SYNE2: variants seen among roughly 807,000 people sequenced by gnomAD.
SYNE2 encodes spectrin repeat containing nuclear envelope protein 2, also known as nesprin-2.
SYNE2 carries 431 observed loss-of-function variants against 856.3 expected under a neutral mutation model. The ratio of observed to expected loss-of-function variants is 0.50; its 90% CI spans 0.47 to 0.55. SYNE2 has a LOEUF of 0.55. SYNE2 is among the 20% of genes least tolerant of loss of function. The pLI, the probability that SYNE2 is intolerant of heterozygous loss-of-function variation, is 0.00. For synonymous variants in SYNE2, 2,923 were observed against 2,872.3 expected (o/e 1.02, Z -0.56); for missense variants, 8,129 against 8,023.2 (o/e 1.01, Z -0.50).
At chr14:63,969,225 A>G (rs2096440930) in intron 11 of SYNE2, among the ~76,000 whole-genome samples, 1 of 148,592 alleles carries the variant, frequency 6.7e-6, no homozygotes, top group Non-Finnish European at 1.5e-5. Flanking sequence ...GCTAGAGTGC[A>G]ATGGTGTGAT....
At chr14:64,092,598 C>A (rs2097633847) in intron 60 of SYNE2, among the ~76,000 whole-genome samples, 1 of 152,160 alleles carries the variant, frequency 6.6e-6, no homozygotes, top group Non-Finnish European at 1.5e-5. Context: ...TGGCTAGAAA[C>A]TTTGTAGTTT....
chr14:64,185,601 A>C (rs1470280260), intron 96 of SYNE2, among the ~76,000 whole-genome samples: 1 of 140,974 alleles, frequency 7.1e-6, no homozygotes, highest in Non-Finnish European at 1.5e-5. Flanking sequence ...TCTCACTGCA[A>C]CCTCCGCCTC....
intron 77 of SYNE2, among the ~76,000 whole-genome samples, chr14:64,133,079 G>C (rs528663348): frequency 1.3e-5 from 2 of 151,880 alleles, no homozygotes; most frequent in African/African-American, 4.8e-5. Context: ...GGTGGTGGGC[G>C]CCTGTAGTCC....
chr14:64,188,777 G>C (rs1014097078), intron 98 of SYNE2, 69 bp downstream of exon 98: 1 of 1,522,558 alleles, frequency 6.6e-7, no homozygotes, highest in East Asian at 2.3e-5. Flanking sequence ...TCACTCCTAA[G>C]CCCAAACAGG....
chr14:64,148,124 C>G (rs149401362), intron 84 of SYNE2, among the ~76,000 whole-genome samples: 23 of 152,240 alleles, frequency 1.5e-4, no homozygotes, highest in African/African-American at 3.4e-4. Flanking sequence ...CCAGCCTGAG[C>G]AAGACGGTGA....
intron 1 of SYNE2, among the ~76,000 whole-genome samples, chr14:63,871,855 A>G (rs1314082202): frequency 6.6e-6 from 1 of 152,140 alleles, no homozygotes; most frequent in Non-Finnish European, 1.5e-5. Context: ...AGGACCTATG[A>G]AAAGGTATAA....
chr14:63,999,929 CAATT>C (rs2153501644), intron 27 of SYNE2, among the ~76,000 whole-genome samples: 1 of 152,270 alleles, frequency 6.6e-6, no homozygotes, highest in Non-Finnish European at 1.5e-5. Flanking sequence ...GTTTTCATCA[CAATT>C]AAGCAACTGT....
chr14:64,100,801 A>G (rs1212989062), intron 63 of SYNE2, among the ~76,000 whole-genome samples: 6 of 150,564 alleles, frequency 4.0e-5, no homozygotes, highest in Admixed American at 3.3e-4. Context: ...ATGTCCTTTG[A>G]CAGACATTTT....
chr14:64,191,010 G>C lies in SYNE2; in HGVS notation c.18038+773G>C. 3 of 701,734 alleles carry C rather than the reference G, an allele frequency of 4.3e-6. No individual in the cohort carries two copies. In the East Asian group the frequency reaches 8.0e-5, roughly 19 times the overall value. The allele number at this position is 701,734 out of a possible 1,614,324, so 43.5% of individuals were successfully genotyped here. A position where few individuals can be genotyped will look rare whatever the true frequency, so the allele number is the denominator to read the frequency against. On this transcript the variant is annotated intron_variant, in intron 99 of 115. Transcript: ENST00000555002. The stretch of plus-strand genomic sequence containing the variant: ...CACTTGTGCAGCTGTGCTTCCACTG[G>C]CCACACGGGTCCTTTCCATAGCAGT...
chr14:64,176,852 C>T (rs1258643320), intron 95 of SYNE2, among the ~76,000 whole-genome samples: 1 of 151,854 alleles, frequency 6.6e-6, no homozygotes, highest in Non-Finnish European at 1.5e-5. Context: ...GGCTGGAGTG[C>T]AGTGGTGCAA....
At chr14:64,140,147 T>C in intron 80 of SYNE2, 74 bp downstream of exon 80, 1 of 1,459,042 alleles carries the variant, frequency 6.9e-7, no homozygotes, top group Non-Finnish European at 9.5e-7. Context: ...TCAGGGTTGA[T>C]GTGATAGTCT....
chr14:63,867,714 G>T (rs371572633), intron 1 of SYNE2, among the ~76,000 whole-genome samples: 2 of 130,884 alleles, frequency 1.5e-5, no homozygotes, highest in East Asian at 4.3e-4. Context: ...AGAATAAAAA[G>T]AATAAAAAGA....
At chr14:64,141,619 A>C in intron 81 of SYNE2, 96 bp downstream of exon 81, 2 of 1,340,396 alleles carry the variant, frequency 1.5e-6, no homozygotes, top group Non-Finnish European at 2.1e-6. Context: ...TTTCATTGAC[A>C]CTACCTATTT....
At chr14:63,979,713 G>C (rs959015179) in intron 14 of SYNE2, among the ~76,000 whole-genome samples, 24 of 152,298 alleles carry the variant, frequency 1.6e-4, no homozygotes, top group African/African-American at 5.8e-4. Context: ...AGGAGTTCGA[G>C]ACATGGCGAA....
intron 63 of SYNE2, chr14:64,100,243 C>T (rs2153638123): frequency 6.6e-6 from 1 of 151,898 alleles, no homozygotes; most frequent in East Asian, 1.9e-4. Flanking sequence ...AAAAACCAAA[C>T]ACCGCATATT....
chr14:64,214,326 G>C lies in SYNE2; in HGVS notation c.19189G>C (p.Val6397Leu). 1 of 1,614,142 alleles carries C rather than the reference G, an allele frequency of 6.2e-7. No individual in the cohort carries two copies. The highest frequency in any genetic ancestry group is 8.5e-7 in the Non-Finnish European group (1 of 1,180,012). Residue 6397 changes from valine to leucine, a missense_variant, in exon 106 of 116, where the codon GTG (valine) becomes CTG (leucine). Physicochemically the swap from Val to Leu is conservative, Grantham distance 32. Coordinates refer to ENST00000555002, the MANE Select transcript of SYNE2 (RefSeq NM_182914.3). ...PSSPQSLCHL[V>L]APGHERSGCE... ...ATCTCCTCAGTCCCTGTGTCATCTAGTGGCCCCAGGGCACGAGCGGTCTGG... is the reference window on the plus strand; with the variant it reads ...ATCTCCTCAGTCCCTGTGTCATCTACTGGCCCCAGGGCACGAGCGGTCTGG...
chr14:64,190,062 C>T lies in SYNE2; in HGVS notation c.17872-9C>T. The T allele has an allele frequency of 6.2e-7, 1 of 1,613,424 alleles. No homozygotes were observed. Among genetic ancestry groups the T allele is most frequent in the Non-Finnish European group, 8.5e-7 (1 of 1,179,866 alleles). ...TTAGCCAGGCTTTATGTTTTGGTGC[C>T]TTTGCCAGGACTGCATGGAAGAAAT... On this transcript the variant is annotated splice_polypyrimidine_tract_variant and intron_variant, in intron 98 of 115. Coordinates refer to ENST00000555002, the MANE Select transcript of SYNE2 (RefSeq NM_182914.3).
In SYNE2 at chr14:64,052,824, C is replaced by G. The variant is rs200909650; in HGVS notation, c.8911C>G (p.Gln2971Glu). ...SIQRNELLLNQEVNKGVKEEI... is the reference protein window; with the variant it reads ...SIQRNELLLNEEVNKGVKEEI... ...ACAGCGCAATGAACTATTACTTAATCAAGAAGTAAATAAAGGTGTTAAAGA... is the reference window on the plus strand; with the variant it reads ...ACAGCGCAATGAACTATTACTTAATGAAGAAGTAAATAAAGGTGTTAAAGA... Residue 2971 changes from glutamine (Q) to glutamate (E), a missense_variant, in exon 48 of 116, where the codon CAA becomes GAA. Gln to Glu is a conservative substitution (Grantham distance 29, BLOSUM62 2). Around this residue, in one of 3 missense-constraint regions of SYNE2, gnomAD observed 5,410 missense variants for 5,284.8 expected, o/e 1.02. Transcript: ENST00000555002. 1.9e-4 allele frequency: 305 copies of G among 1,612,652 alleles called. No individual in the cohort carries two copies. Among genetic ancestry groups the G allele is most frequent in the Non-Finnish European group, 2.4e-4 (280 of 1,179,728 alleles).
chr14:64,177,691 T>C (rs1302796296), intron 96 of SYNE2, among the ~76,000 whole-genome samples: 1 of 152,184 alleles, frequency 6.6e-6, no homozygotes, highest in Non-Finnish European at 1.5e-5. Flanking sequence ...GAGAAAGACT[T>C]TTGCAAAAAC....
Sources: allele counts gnomAD v4.1 joint callset (sites outside exome capture counted in the v4.1 genomes callset), GRCh38; gene constraint gnomAD v4.1.1; regional missense constraint gnomAD v4.1.1; transcripts MANE v1.5; gene names NCBI Gene and HGNC (gene_info 2026-07-23, HGNC 2026-07-21).